PKD2L2: variants seen among roughly 807,000 people sequenced by gnomAD.
The protein encoded by PKD2L2 is polycystin 2 like 2, transient receptor potential cation channel, also known as polycystin-2-like protein 2.
In PKD2L2, 67 loss-of-function variants were observed where a neutral mutation model predicts 83.9. The observed-to-expected ratio is 0.80, with a 90% CI of 0.66 to 0.98. The LOEUF (loss-of-function observed/expected upper bound fraction) is 0.98. Ranked by LOEUF, PKD2L2 falls within the 50% of genes least tolerant of loss-of-function variation. The pLI is 0.00. For missense variants in PKD2L2, 632 were observed against 717.2 expected (o/e 0.88, Z 1.36); for synonymous variants, 223 against 237.8 (o/e 0.94, Z 0.57).
intron 5 of PKD2L2, among the ~76,000 whole-genome samples, chr5:137,900,408 G>A (rs1238255534): frequency 1.3e-5 from 2 of 152,160 alleles, no homozygotes; most frequent in Non-Finnish European, 2.9e-5. Context: ...CATACAAAGT[G>A]CCACTAGTGA....
intron 12 of PKD2L2, among the ~76,000 whole-genome samples, chr5:137,931,245 C>T (rs1054236980): frequency 3.3e-5 from 5 of 152,156 alleles, no homozygotes; most frequent in Non-Finnish European, 5.9e-5. Flanking sequence ...ACGGTCTTCA[C>T]AAGGAAATTC....
chr5:137,932,335 C>T (rs760767723), intron 12 of PKD2L2, among the ~76,000 whole-genome samples: 19 of 150,866 alleles, frequency 1.3e-4, no homozygotes, highest in Non-Finnish European at 2.1e-4. Context: ...ACAACAAGAG[C>T]GAAACTCTGT....
intron 12 of PKD2L2, among the ~76,000 whole-genome samples, chr5:137,932,179 C>A (rs1279331509): frequency 6.6e-6 from 1 of 152,016 alleles, no homozygotes; most frequent in Non-Finnish European, 1.5e-5. Context: ...GAAACCCCAT[C>A]TCTACTAAAA....
chr5:137,894,008 G>T (rs1756223554), intron 3 of PKD2L2, among the ~76,000 whole-genome samples: 2 of 152,108 alleles, frequency 1.3e-5, no homozygotes, highest in Non-Finnish European at 2.9e-5. Context: ...GGGAGGAGGG[G>T]TACAGACAAC....
chr5:137,940,422 G>A, intron 14 of PKD2L2: 11 of 942,906 alleles, frequency 1.2e-5, no homozygotes, highest in South Asian at 8.4e-5. Flanking sequence ...GTCTTAATAT[G>A]AGACATACTG....
chr5:137,936,298 T>G (rs1220281813), intron 13 of PKD2L2, 22 bp from the exon 14 acceptor site: 2 of 1,521,312 alleles, frequency 1.3e-6, no homozygotes, highest in African/African-American at 2.7e-5. Context: ...ACTCATTCTC[T>G]ACTTCCTTCG....
chr5:137,914,932 TTGTG>T (rs1758188935), intron 8 of PKD2L2, among the ~76,000 whole-genome samples: 1 of 152,250 alleles, frequency 6.6e-6, no homozygotes, highest in Non-Finnish European at 1.5e-5. Flanking sequence ...ATTTATTGAT[TTGTG>T]TATGTTGAAC....
chr5:137,917,607 T>C (rs1758493749), intron 8 of PKD2L2, among the ~76,000 whole-genome samples: 1 of 152,190 alleles, frequency 6.6e-6, no homozygotes, highest in South Asian at 2.1e-4. Context: ...TTTTTCCATC[T>C]TATATTTTTT....
Position 137,899,559 on chromosome 5 carries a change from G to C in PKD2L2, c.568G>C (p.Gly190Arg), listed in dbSNP as rs1488313088. 6.2e-6 allele frequency: 10 copies of C among 1,613,268 alleles called. No homozygotes were observed. The highest frequency in any genetic ancestry group is 8.5e-6 in the Non-Finnish European group (10 of 1,179,468). Residue 190 changes from glycine to arginine, a missense_variant, in exon 5 of 15, where the codon GGA becomes CGA. Transcript: ENST00000508883. ...TSNTNSPWHW[G>R]FLGVYRNGGY... Reference sequence around the variant, plus strand: ...TAATACCAACTCCCCTTGGCACTGGGGATTTCTTGGTGTTTACCGAAATGG... The same window carrying C: ...TAATACCAACTCCCCTTGGCACTGGCGATTTCTTGGTGTTTACCGAAATGG...
chr5:137,942,161 G>T, intron 14 of PKD2L2: 1 of 751,004 alleles, frequency 1.3e-6, no homozygotes, highest in African/African-American at 1.8e-5. Flanking sequence ...GTCTACCAAT[G>T]CCTAAGCTCC....
In PKD2L2 at chr5:137,894,665, T is replaced by C. The variant is rs1329996548; in HGVS notation, c.524+56T>C. 3 of 1,360,888 alleles carry C rather than the reference T, an allele frequency of 2.2e-6. No homozygotes were observed. The East Asian group carries it at 6.9e-5, about 31-fold the overall frequency. 84.3% of individuals were successfully genotyped at this position (1,360,888 alleles called of 1,614,324 possible). A position where few individuals can be genotyped will look rare whatever the true frequency, so the allele number is the denominator to read the frequency against. ...TTCTAGCATTTACTGTTGTATCTTT[T>C]AGATATGTGTCTTCCAAGTAACACC... On this transcript the variant is annotated intron_variant, in intron 4 of 14. Coordinates refer to ENST00000508883, the MANE Select transcript of PKD2L2 (RefSeq NM_001300921.2).
At chr5:137,895,792 C>G (rs898315885) in intron 4 of PKD2L2, among the ~76,000 whole-genome samples, 1 of 150,548 alleles carries the variant, frequency 6.6e-6, no homozygotes, top group African/African-American at 2.5e-5. Flanking sequence ...GCACAAGAAT[C>G]ACTTGAACCC....
At chr5:137,904,328 G>A (rs947423142) in intron 5 of PKD2L2, among the ~76,000 whole-genome samples, 2 of 152,122 alleles carry the variant, frequency 1.3e-5, no homozygotes, top group Admixed American at 6.5e-5. Flanking sequence ...TAAGTGATCT[G>A]GGGATGGGCG....
chr5:137,920,809 A>G (rs1758827846), intron 8 of PKD2L2, among the ~76,000 whole-genome samples: 1 of 152,010 alleles, frequency 6.6e-6, no homozygotes, highest in African/African-American at 2.4e-5. Context: ...GATCATGTTG[A>G]GTATTATTAT....
rs1400375544 is a variant in PKD2L2, at chr5:137,921,744, C to T, written c.1437C>T (p.Phe479=). The T allele has an allele frequency of 3.7e-6, 6 of 1,604,240 alleles. No homozygotes were observed. The highest frequency in any genetic ancestry group is 1.1e-5 in the South Asian group (1 of 89,710). The part of the protein sequence containing the change: ...IYFITFIFFV[F]FVLLNMFLAI... The stretch of plus-strand genomic sequence containing the variant: ...TCATCACTTTCATCTTTTTTGTGTT[C>T]TTTGTCCTGCTGGTAAGAATAATAC... Residue 479 remains phenylalanine (F), a synonymous_variant, in exon 9 of 15, where the codon TTC becomes TTT. Coordinates refer to ENST00000508883, the MANE Select transcript of PKD2L2 (RefSeq NM_001300921.2).
chr5:137,942,262 C>CATACAACCATATG, intron 14 of PKD2L2, 122 bp from the exon 15 acceptor site: 1 of 554,246 alleles, frequency 1.8e-6, no homozygotes, highest in South Asian at 2.5e-5. Flanking sequence ...GAACCAGTGA[C>CATACAACCATATG]ATACACCATA....
chr5:137,935,782 C>A lies in PKD2L2; in HGVS notation c.1672-15C>A, dbSNP rs766030936. ...ACTAAAGATTGCAGCCTTTACTTGT[C>A]CTCTACCCTGACAGGAGATTCAAAA... On this transcript the variant is annotated splice_polypyrimidine_tract_variant and intron_variant, in intron 12 of 14. Coordinates refer to ENST00000508883, the MANE Select transcript of PKD2L2 (RefSeq NM_001300921.2). The A allele has an allele frequency of 5.7e-6, 8 of 1,392,832 alleles. No individual in the cohort carries two copies. In the East Asian group the frequency reaches 1.4e-4, roughly 24 times the overall value. 86.3% of individuals were successfully genotyped at this position (1,392,832 alleles called of 1,614,324 possible). A position where few individuals can be genotyped will look rare whatever the true frequency, so the allele number is the denominator to read the frequency against.
chr5:137,924,864 C>T (rs1759243889), intron 10 of PKD2L2, among the ~76,000 whole-genome samples, 176 bp from the exon 11 acceptor site: 1 of 152,034 alleles, frequency 6.6e-6, no homozygotes, highest in Non-Finnish European at 1.5e-5. Flanking sequence ...CACCAGCAGG[C>T]GTAAACCATA....
At chr5:137,916,671 G>A (rs1324070978) in intron 8 of PKD2L2, among the ~76,000 whole-genome samples, 3 of 151,088 alleles carry the variant, frequency 2.0e-5, no homozygotes, top group Non-Finnish European at 4.4e-5. Context: ...GTAGAGGCGG[G>A]GTTTTGCCAT....
Sources: allele counts gnomAD v4.1 joint callset (sites outside exome capture counted in the v4.1 genomes callset), GRCh38; gene constraint gnomAD v4.1.1; transcripts MANE v1.5; gene names NCBI Gene and HGNC (gene_info 2026-07-23, HGNC 2026-07-21).